Variants in PRKCSH observed in about 807,000 individuals in gnomAD.
PRKCSH encodes the protein glucosidase 2 subunit beta.
Under a neutral mutation model 79.7 loss-of-function variants are expected in PRKCSH, and 42 were observed. The ratio of observed to expected loss-of-function variants is 0.53; its 90% confidence interval spans 0.41 to 0.68. The LOEUF is 0.68. Ranked by LOEUF, PRKCSH falls within the 30% of genes least tolerant of loss-of-function variation. PRKCSH has a pLI of 0.00. For missense variants in PRKCSH, 686 were observed against 709.0 expected (o/e 0.97, Z 0.37); for synonymous variants, 325 against 288.2 (o/e 1.13, Z -1.29).
Position 11,446,394 on chromosome 19 carries a change from G to A in PRKCSH, c.762+44G>A, listed in dbSNP as rs751760694. The A allele has an allele frequency of 2.0e-5, 31 of 1,588,984 alleles. 3 individuals carry two copies. In the South Asian group the frequency reaches 3.4e-4, roughly 17 times the overall value. The stretch of plus-strand genomic sequence containing the variant: ...TGGTTGGGGACTTCTAGGGAGCATT[G>A]CCCCAGGGTGACCTCAGGGCACAGG... On this transcript the variant is annotated intron_variant, in intron 9 of 17. Transcript: ENST00000677123.
At chr19:11,441,407 C>T in intron 6 of PRKCSH, 50 bp downstream of exon 6, 2 of 1,564,378 alleles carry the variant, frequency 1.3e-6, no homozygotes, top group Non-Finnish European at 1.8e-6. Flanking sequence ...CTTGAGGCCT[C>T]ATAGTGTGGG....
chr19:11,441,444 C>T (rs1568364212), intron 6 of PRKCSH, 87 bp downstream of exon 6: 3 of 1,252,752 alleles, frequency 2.4e-6, no homozygotes, highest in African/African-American at 1.5e-5. Flanking sequence ...GGGGTTTGCC[C>T]CTGACTGCTG....
chr19:11,447,363 C>A lies in PRKCSH; in HGVS notation c.850-76C>A. ...AGGGGCAGAGACACCGAGGCTGCCC[C>A]TTGGGCTGTGGTGTGAGCCTGAGGG... On this transcript the variant is annotated intron_variant, in intron 10 of 17. Transcript: ENST00000677123. The surrounding 1 kb of genome is among the most constrained non-coding windows in gnomAD (Gnocchi z 5.6). The A allele has an allele frequency of 6.6e-7, 1 of 1,524,228 alleles. No individual in the cohort carries two copies. Among genetic ancestry groups the A allele is most frequent in the East Asian group, 2.3e-5 (1 of 43,604 alleles). 94.4% of individuals were successfully genotyped at this position (1,524,228 alleles called of 1,614,324 possible). A position where few individuals can be genotyped will look rare whatever the true frequency, so the allele number is the denominator to read the frequency against.
intron 7 of PRKCSH, among the ~76,000 whole-genome samples, chr19:11,444,990 G>T (rs1480008010): frequency 1.3e-5 from 2 of 151,930 alleles, no homozygotes; most frequent in Non-Finnish European, 2.9e-5. Flanking sequence ...CCTCTGCTCC[G>T]TGCTTCTTCC....
Position 11,448,798 on chromosome 19 carries a change from G to A in PRKCSH, c.1287-116G>A, listed in dbSNP as rs1385916745. 7 of 1,411,710 alleles carry A rather than the reference G, an allele frequency of 5.0e-6. No homozygotes were observed. The East Asian group carries it at 6.8e-5, about 14-fold the overall frequency. The allele number at this position is 1,411,710 out of a possible 1,614,324, so 87.4% of individuals were successfully genotyped here. A position where few individuals can be genotyped will look rare whatever the true frequency, so the allele number is the denominator to read the frequency against. On this transcript the variant is annotated intron_variant, in intron 14 of 17. Transcript: ENST00000677123. This position sits in a 1 kb window ranked among gnomAD's most constrained non-coding sequence, Gnocchi z 4.4. ...AAGCCAGGGGCCAGGTTTAGGGTTG[G>A]TCATTGGAGTTGGAGGTACCCTGTG...
In PRKCSH at chr19:11,447,230, C is replaced by A; in HGVS notation, c.849+70C>A. The A allele has an allele frequency of 6.4e-7, 1 of 1,556,738 alleles. No individual in the cohort carries two copies. Among genetic ancestry groups the A allele is most frequent in the Non-Finnish European group, 8.8e-7 (1 of 1,136,110 alleles). On this transcript the variant is annotated intron_variant, in intron 10 of 17. Transcript: ENST00000677123. This position sits in a 1 kb window ranked among gnomAD's most constrained non-coding sequence, Gnocchi z 5.6. Reference sequence around the variant, plus strand: ...GCCCCCACCCCGCCTCACAAAGGAGCTGCCTCTGGTTCTGGCACCTGGCCA... The same window carrying A: ...GCCCCCACCCCGCCTCACAAAGGAGATGCCTCTGGTTCTGGCACCTGGCCA...
chr19:11,449,599 G>T lies in PRKCSH; in HGVS notation c.*16+171G>T. On this transcript the variant is annotated intron_variant, in intron 17 of 17. Transcript: ENST00000677123. This position sits in a 1 kb window ranked among gnomAD's most constrained non-coding sequence, Gnocchi z 6.4. ...ACTCTTTGGCCCAGGCTGGAGTGCA[G>T]TGATGCGACCTCAGCTGACTGCAAC... 1.2e-6 allele frequency: 1 copy of T among 852,584 alleles called. No homozygotes were observed. The highest frequency in any genetic ancestry group is 1.7e-5 in the African/African-American group (1 of 58,882). 52.8% of individuals were successfully genotyped at this position (852,584 alleles called of 1,614,324 possible). A position where few individuals can be genotyped will look rare whatever the true frequency, so the allele number is the denominator to read the frequency against.
chr19:11,436,756 A>G (rs1282659819), intron 3 of PRKCSH: 2 of 490,088 alleles, frequency 4.1e-6, no homozygotes, highest in African/African-American at 3.9e-5. Flanking sequence ...AAGGTGCTGC[A>G]GATGGAGGGG....
In PRKCSH at chr19:11,436,132, G is replaced by A. The variant is rs754740617; in HGVS notation, c.15G>A (p.Leu5=). 12 of 1,608,158 alleles carry A rather than the reference G, an allele frequency of 7.5e-6. No individual in the cohort carries two copies. In the Admixed American group the frequency reaches 1.8e-4, roughly 25 times the overall value. MLLP[L]LLLLPMCWAV... ...CGTCTGGTGAGATGCTGTTGCCGCT[G>A]CTGCTGCTGCTACCCATGTGCTGGG... The change falls in exon 2 of 18, where the codon CTG becomes CTA. Residue 5 remains leucine, a synonymous_variant. Transcript: ENST00000677123.
chr19:11,448,775 G>A lies in PRKCSH; in HGVS notation c.1287-139G>A, dbSNP rs1053431377. The A allele has an allele frequency of 2.3e-6, 3 of 1,331,648 alleles. No homozygotes were observed. Among genetic ancestry groups the A allele is most frequent in the Non-Finnish European group, 3.2e-6 (3 of 929,782 alleles). The allele number at this position is 1,331,648 out of a possible 1,614,324, so 82.5% of individuals were successfully genotyped here. On this transcript the variant is annotated intron_variant, in intron 14 of 17. Transcript: ENST00000677123. The surrounding 1 kb of genome is among the most constrained non-coding windows in gnomAD (Gnocchi z 4.4). ...CCTTCCATATTGAGGGGGAGCAGAA[G>A]CCAGGGGCCAGGTTTAGGGTTGGTC...
In PRKCSH at chr19:11,447,278, A is replaced by G; in HGVS notation, c.849+118A>G. 1.5e-6 allele frequency: 2 copies of G among 1,322,912 alleles called. No individual in the cohort carries two copies. The highest frequency in any genetic ancestry group is 2.1e-6 in the Non-Finnish European group (2 of 953,942). The allele number at this position is 1,322,912 out of a possible 1,614,324, so 81.9% of individuals were successfully genotyped here. Reference sequence around the variant, plus strand: ...CCACCCTGGCCAGCTGGGTGGCCCCAGCACCCCCCACCGAGACCCCCCGAC... The same window carrying G: ...CCACCCTGGCCAGCTGGGTGGCCCCGGCACCCCCCACCGAGACCCCCCGAC... On this transcript the variant is annotated intron_variant, in intron 10 of 17. Coordinates refer to ENST00000677123, the MANE Select transcript of PRKCSH (RefSeq NM_001289104.2). This position sits in a 1 kb window ranked among gnomAD's most constrained non-coding sequence, Gnocchi z 5.6.
In PRKCSH at chr19:11,447,441, A is replaced by G; in HGVS notation, c.852A>G (p.Ala284=). Residue 284 remains alanine (A), a splice_region_variant and synonymous_variant, in exon 11 of 18, where the codon GCA becomes GCG. Transcript: ENST00000677123. This position sits in a 1 kb window ranked among gnomAD's most constrained non-coding sequence, Gnocchi z 5.6. ...AAIRDKYRSE[A]LPTDLPAPSA... ...CGACCGCACTGCTCACCCGCCAGGC[A>G]CTGCCCACCGACCTTCCAGCACCTT... 6.2e-7 allele frequency: 1 copy of G among 1,613,832 alleles called. No homozygotes were observed.
chr19:11,450,206 C>T (rs1262147558), intron 17 of PRKCSH, among the ~76,000 whole-genome samples: 1 of 151,422 alleles, frequency 6.6e-6, no homozygotes, highest in African/African-American at 2.4e-5. Context: ...GGCGTCGTGG[C>T]TCACATCTGT....
chr19:11,445,317 G>A (rs1970242521), intron 7 of PRKCSH, 72 bp from the exon 8 acceptor site: 10 of 1,492,892 alleles, frequency 6.7e-6, no homozygotes, highest in Non-Finnish European at 9.3e-7. Context: ...GGTGGCAAAC[G>A]ACCCTGTGGG....
Position 11,447,856 on chromosome 19 carries a change from G to A in PRKCSH, c.1126+67G>A, listed in dbSNP as rs1273967777. On this transcript the variant is annotated intron_variant, in intron 12 of 17. Transcript: ENST00000677123. The surrounding 1 kb of genome is among the most constrained non-coding windows in gnomAD (Gnocchi z 5.6). ...GTTTCCTGCCGTGGTGGCACAGGTC[G>A]AGGGAAGATCCTGAGCTTAGACCCT... 21 of 1,467,146 alleles carry A rather than the reference G, an allele frequency of 1.4e-5. No homozygotes were observed. Among genetic ancestry groups the A allele is most frequent in the African/African-American group, 7.0e-5 (5 of 71,264 alleles). The allele number at this position is 1,467,146 out of a possible 1,614,324, so 90.9% of individuals were successfully genotyped here. A position where few individuals can be genotyped will look rare whatever the true frequency, so the allele number is the denominator to read the frequency against.
Position 11,447,272 on chromosome 19 carries a change from G to A in PRKCSH, c.849+112G>A. The A allele has an allele frequency of 2.1e-6, 3 of 1,399,306 alleles. No homozygotes were observed. Among genetic ancestry groups the A allele is most frequent in the Non-Finnish European group, 3.0e-6 (3 of 1,008,180 alleles). 86.7% of individuals were successfully genotyped at this position (1,399,306 alleles called of 1,614,324 possible). A position where few individuals can be genotyped will look rare whatever the true frequency, so the allele number is the denominator to read the frequency against. On this transcript the variant is annotated intron_variant, in intron 10 of 17. Coordinates refer to ENST00000677123, the MANE Select transcript of PRKCSH (RefSeq NM_001289104.2). The surrounding 1 kb of genome is among the most constrained non-coding windows in gnomAD (Gnocchi z 5.6). ...ACCTGGCCACCCTGGCCAGCTGGGT[G>A]GCCCCAGCACCCCCCACCGAGACCC... is the stretch of plus-strand genomic sequence containing the variant.
Position 11,447,665 on chromosome 19 carries a change from C to T in PRKCSH, c.1030-28C>T. 1.3e-6 allele frequency: 2 copies of T among 1,565,444 alleles called. No homozygotes were observed. The highest frequency in any genetic ancestry group is 1.7e-6 in the Non-Finnish European group (2 of 1,154,634). ...GGAGACAGAGAGGGTGGGGGAAGGG[C>T]TACTCACTGACCCTGCCCCTGCCCC... On this transcript the variant is annotated intron_variant, in intron 11 of 17. Coordinates refer to ENST00000677123, the MANE Select transcript of PRKCSH (RefSeq NM_001289104.2). This position sits in a 1 kb window ranked among gnomAD's most constrained non-coding sequence, Gnocchi z 5.6.
At chr19:11,446,812 A>G (rs995520718) in intron 9 of PRKCSH, among the ~76,000 whole-genome samples, 3 of 150,882 alleles carry the variant, frequency 2.0e-5, no homozygotes, top group Non-Finnish European at 3.0e-5. Context: ...CTCTTCCTCC[A>G]TCTGTACGTC....
Position 11,435,648 on chromosome 19 carries a change from G to A in PRKCSH, c.-136G>A. The A allele has an allele frequency of 7.9e-7, 1 of 1,273,066 alleles. No individual in the cohort carries two copies. Among genetic ancestry groups the A allele is most frequent in the Non-Finnish European group, 1.0e-6 (1 of 972,778 alleles). 78.9% of individuals were successfully genotyped at this position (1,273,066 alleles called of 1,614,324 possible). A position where few individuals can be genotyped will look rare whatever the true frequency, so the allele number is the denominator to read the frequency against. ...AATTTCCGCTTTCTTTCTGCAGCAG[G>A]AACCGCGGCTGCTGGACAAGAGGGG... On this transcript the variant is annotated 5_prime_UTR_variant, in exon 1 of 18. Transcript: ENST00000677123.
Sources: allele counts gnomAD v4.1 joint callset (sites outside exome capture counted in the v4.1 genomes callset), GRCh38; gene constraint gnomAD v4.1.1; non-coding constraint Gnocchi (gnomAD v3.1); transcripts MANE v1.5; gene names NCBI Gene and HGNC (gene_info 2026-07-23, HGNC 2026-07-21).